COP1: variants seen among roughly 807,000 people sequenced by gnomAD.
The protein encoded by COP1 is E3 ubiquitin-protein ligase COP1.
Under a neutral mutation model 101.3 loss-of-function variants are expected in COP1, and 24 were observed. That is an observed-to-expected ratio of 0.24 (90% CI 0.17 to 0.33). The LOEUF is 0.33. Ranked by LOEUF, COP1 falls within the 10% of genes least tolerant of loss-of-function variation. The pLI, the probability that COP1 is intolerant of heterozygous loss-of-function variation, is 1.00. For synonymous variants in COP1, 347 were observed against 341.9 expected (o/e 1.01, Z -0.17); for missense variants, 663 against 906.2 (o/e 0.73, Z 3.45).
intron 18 of COP1, among the ~76,000 whole-genome samples, chr1:175,977,761 C>G (rs1361132206): frequency 2.0e-5 from 3 of 152,096 alleles, no homozygotes; most frequent in Non-Finnish European, 4.4e-5. Flanking sequence ...CTAAGCAAAA[C>G]ATACTTATTT....
At chr1:176,206,491 CACACCAGA>C in intron 1 of COP1, 73 bp downstream of exon 1, 2 of 1,539,822 alleles carry the variant, frequency 1.3e-6, no homozygotes, top group Non-Finnish European at 1.8e-6. Flanking sequence ...AAGCCACCCC[CACACCAGA>C]CCCCCCGCCC....
At chr1:175,968,583 T>A (rs1331024295) in intron 18 of COP1, 1 of 474,162 alleles carries the variant, frequency 2.1e-6, no homozygotes, top group South Asian at 1.6e-5. Flanking sequence ...TTAACCAGTC[T>A]TTTATATTCC....
intron 2 of COP1, among the ~76,000 whole-genome samples, chr1:176,183,162 C>T (rs1252389466): frequency 6.6e-6 from 1 of 152,178 alleles, no homozygotes. Context: ...ACACCTATCA[C>T]TAAAGCATCA....
At position 176,150,792 on chromosome 1, in the gene COP1, T is replaced by C. The variant is rs367873113; in HGVS notation, c.763-1718A>G. ...TTAACTTGTAGAAAGAAGGAGAAAG[T>C]CCCCAAAATGTCAATGTAAAAGGAA... On this transcript the variant is annotated intron_variant, in intron 5 of 19. Coordinates refer to ENST00000367669, the MANE Select transcript of COP1 (RefSeq NM_022457.7). 5.2e-4 allele frequency among the ~76,000 whole-genome samples: 79 copies of C among 152,160 alleles called. No individual in the cohort carries two copies. The East Asian group carries it at 0.012, about 24-fold the overall frequency.
At chr1:176,092,186 G>A (rs1365795532) in intron 9 of COP1, among the ~76,000 whole-genome samples, 1 of 151,934 alleles carries the variant, frequency 6.6e-6, no homozygotes, top group African/African-American at 2.4e-5. Context: ...GTTTATATAT[G>A]GCCAAATATA....
intron 3 of COP1, among the ~76,000 whole-genome samples, chr1:176,165,361 CGTGT>C (rs34291468): frequency 0.06 from 7,930 of 131,978 alleles, 244 homozygotes; most frequent in Middle Eastern, 0.12. Context: ...AGATGTGTGT[CGTGT>C]GTGTGTGTGT....
intron 15 of COP1, among the ~76,000 whole-genome samples, chr1:176,010,127 T>C (rs1453258724): frequency 6.6e-6 from 1 of 152,162 alleles, no homozygotes; most frequent in Non-Finnish European, 1.5e-5. Flanking sequence ...TGTTTCACCA[T>C]ATTTGCTTTA....
intron 11 of COP1, among the ~76,000 whole-genome samples, chr1:176,075,149 T>C (rs1572078916): frequency 6.6e-6 from 1 of 152,324 alleles, no homozygotes; most frequent in East Asian, 1.9e-4. Context: ...CAATGATTTT[T>C]TGTTAATTAA....
chr1:176,165,219 G>A (rs184452788), intron 3 of COP1, among the ~76,000 whole-genome samples: 5 of 152,020 alleles, frequency 3.3e-5, no homozygotes, highest in East Asian at 1.9e-4. Flanking sequence ...AAGTATACAC[G>A]CAGAGATCAA....
chr1:176,085,644 T>C (rs1679997807), intron 10 of COP1, 132 bp downstream of exon 10: 2 of 462,210 alleles, frequency 4.3e-6, no homozygotes, highest in South Asian at 1.3e-4. Flanking sequence ...ACCTCCATGA[T>C]GATCTGGTAG....
intron 6 of COP1, among the ~76,000 whole-genome samples, chr1:176,140,735 G>C (rs1345567882): frequency 2.0e-5 from 3 of 152,084 alleles, no homozygotes; most frequent in Admixed American, 6.6e-5. Flanking sequence ...TTATCTAAAG[G>C]AAAATCAATC....
In COP1 at chr1:176,149,106, A is replaced by G. The variant is rs781489121; in HGVS notation, c.763-32T>C. ...TAGAAAATTATAATTTTTCTTTTAAAAAATATAACTGAGTTGAAAGTTTTC... is the reference window on the plus strand; with the variant it reads ...TAGAAAATTATAATTTTTCTTTTAAGAAATATAACTGAGTTGAAAGTTTTC... On this transcript the variant is annotated intron_variant, in intron 5 of 19. Transcript: ENST00000367669. The G allele has an allele frequency of 7.1e-6, 10 of 1,406,336 alleles. No homozygotes were observed. The Admixed American group carries it at 1.9e-4, about 27-fold the overall frequency. 87.1% of individuals were successfully genotyped at this position (1,406,336 alleles called of 1,614,324 possible). A position where few individuals can be genotyped will look rare whatever the true frequency, so the allele number is the denominator to read the frequency against.
chr1:176,192,830 G>T (rs1321019698), intron 1 of COP1, among the ~76,000 whole-genome samples: 1 of 152,112 alleles, frequency 6.6e-6, no homozygotes, highest in East Asian at 1.9e-4. Flanking sequence ...TCTCCAAAAT[G>T]CATGGGAGAT....
intron 8 of COP1, among the ~76,000 whole-genome samples, chr1:176,128,372 G>A (rs1688380368): frequency 6.6e-6 from 1 of 151,892 alleles, no homozygotes; most frequent in Admixed American, 6.6e-5. Context: ...ATGGAAGTTT[G>A]CTTCCTGTGT....
intron 8 of COP1, among the ~76,000 whole-genome samples, chr1:176,130,263 G>C (rs920868170): frequency 6.6e-6 from 1 of 151,518 alleles, no homozygotes; most frequent in Non-Finnish European, 1.5e-5. Flanking sequence ...ACTCTAGAAG[G>C]GCAGATAGGA....
At chr1:176,187,278 A>C (rs1299369296) in intron 1 of COP1, among the ~76,000 whole-genome samples, 1 of 152,062 alleles carries the variant, frequency 6.6e-6, no homozygotes, top group Non-Finnish European at 1.5e-5. Context: ...GGTGCATATC[A>C]CCACATGTAG....
In COP1 at chr1:176,124,393, C is replaced by T. The variant is rs534314325; in HGVS notation, c.969-7712G>A. Among the ~76,000 whole-genome samples, 5 of 150,174 alleles carry T rather than the reference C, an allele frequency of 3.3e-5. No individual in the cohort carries two copies. The East Asian group carries it at 7.8e-4, about 23-fold the overall frequency. On this transcript the variant is annotated intron_variant, in intron 8 of 19. Transcript: ENST00000367669. ...TAATTTTTTTTTTTTATCCATTAAA[C>T]GTTCCCACCTCCCCTGCCCCCCAGC...
At chr1:175,947,007 A>G (rs1649259962) in intron 19 of COP1, among the ~76,000 whole-genome samples, 188 bp downstream of exon 19, 1 of 152,206 alleles carries the variant, frequency 6.6e-6, no homozygotes, top group African/African-American at 2.4e-5. Flanking sequence ...AACCTCAATA[A>G]GCACTATCAT....
chr1:175,997,823 T>A (rs866155430), intron 15 of COP1, among the ~76,000 whole-genome samples: 1 of 152,196 alleles, frequency 6.6e-6, no homozygotes, highest in South Asian at 2.1e-4. Flanking sequence ...AGTTCAACCA[T>A]TGTGAAAGTC....
Sources: allele counts gnomAD v4.1 joint callset (sites outside exome capture counted in the v4.1 genomes callset), GRCh38; gene constraint gnomAD v4.1.1; transcripts MANE v1.5; gene names NCBI Gene and HGNC (gene_info 2026-07-23, HGNC 2026-07-21).